PPM1L: variants seen among roughly 807,000 people sequenced by gnomAD.
PPM1L encodes protein phosphatase 1L.
Under a neutral mutation model 31.4 loss-of-function variants are expected in PPM1L, and 13 were observed. The ratio of observed to expected loss-of-function variants is 0.41; its 90% confidence interval spans 0.27 to 0.66. PPM1L has a LOEUF of 0.66. PPM1L is among the 30% of genes least tolerant of loss of function. The pLI, the probability that PPM1L is intolerant of heterozygous loss-of-function variation, is 0.29. For missense variants in PPM1L, 326 were observed against 453.7 expected (o/e 0.72, Z 2.56); for synonymous variants, 184 against 175.4 (o/e 1.05, Z -0.39).
chr3:160,810,806 T>C (rs1712781914), intron 1 of PPM1L, among the ~76,000 whole-genome samples: 1 of 152,254 alleles, frequency 6.6e-6, no homozygotes, highest in Non-Finnish European at 1.5e-5. Flanking sequence ...CTCCTCATTA[T>C]GCTCTCTCAT....
rs1720169160 is a variant in PPM1L, at chr3:161,078,184, A to C, written c.*9027A>C. 2 of 152,200 alleles carry C rather than the reference A, an allele frequency of 1.3e-5. No individual in the cohort carries two copies. The highest frequency in any genetic ancestry group is 4.1e-4 in the South Asian group (2 of 4,830). 9.4% of individuals were successfully genotyped at this position (152,200 alleles called of 1,614,324 possible). A position where few individuals can be genotyped will look rare whatever the true frequency, so the allele number is the denominator to read the frequency against. On this transcript the variant is annotated 3_prime_UTR_variant, in exon 4 of 4. Coordinates refer to ENST00000498165, the MANE Select transcript of PPM1L (RefSeq NM_139245.4). ...CATAGATGGAGCTCAGTTATTAAGG[A>C]TGGAAAGGAGGAAAGCACAGAGTGA...
At chr3:160,812,017 T>A (rs1218110901) in intron 1 of PPM1L, among the ~76,000 whole-genome samples, 1 of 152,198 alleles carries the variant, frequency 6.6e-6, no homozygotes. Flanking sequence ...TCCTCTGGAC[T>A]ATGGCATTGC....
chr3:160,883,458 G>A (rs570883620), intron 1 of PPM1L, among the ~76,000 whole-genome samples: 24 of 152,134 alleles, frequency 1.6e-4, no homozygotes, highest in African/African-American at 4.1e-4. Context: ...ACATTTTCCC[G>A]TAAAGTCTTT....
chr3:160,930,191 T>C (rs1714737889), intron 1 of PPM1L, among the ~76,000 whole-genome samples: 1 of 152,150 alleles, frequency 6.6e-6, no homozygotes, highest in South Asian at 2.1e-4. Flanking sequence ...CACGTGGGCC[T>C]GGAACTTCAG....
intron 1 of PPM1L, among the ~76,000 whole-genome samples, chr3:160,959,856 A>G (rs555410489): frequency 6.6e-6 from 1 of 152,024 alleles, no homozygotes; most frequent in Non-Finnish European, 1.5e-5. Context: ...ATAAAAAAAT[A>G]AAGTGTCTTC....
chr3:161,027,859 C>T (rs1718453099), intron 2 of PPM1L, among the ~76,000 whole-genome samples: 1 of 152,168 alleles, frequency 6.6e-6, no homozygotes, highest in African/African-American at 2.4e-5. Context: ...GCTGGTCAAG[C>T]TGAGAAGAAA....
intron 1 of PPM1L, among the ~76,000 whole-genome samples, chr3:160,922,567 A>C (rs1402588630): frequency 1.3e-5 from 2 of 152,190 alleles, no homozygotes; most frequent in African/African-American, 4.8e-5. Context: ...TCTAAGTCTA[A>C]GGTCTTTTGA....
At chr3:160,771,601 G>T (rs1465357070) in intron 1 of PPM1L, among the ~76,000 whole-genome samples, 1 of 132,508 alleles carries the variant, frequency 7.5e-6, no homozygotes, top group Non-Finnish European at 1.6e-5. Context: ...TTCTGTGTGT[G>T]ATCAGTTGGA....
intron 1 of PPM1L, among the ~76,000 whole-genome samples, chr3:160,917,513 T>G (rs1012272344): frequency 1.3e-5 from 2 of 152,170 alleles, no homozygotes; most frequent in African/African-American, 4.8e-5. Flanking sequence ...ATATCTCATA[T>G]GGTTCAGGCA....
At chr3:160,773,283 G>A (rs1432414160) in intron 1 of PPM1L, among the ~76,000 whole-genome samples, 1 of 152,124 alleles carries the variant, frequency 6.6e-6, no homozygotes, top group East Asian at 1.9e-4. Flanking sequence ...TATTTTAGAA[G>A]ATGTCCCTCT....
rs753862015 is a variant in PPM1L at position 160,939,658 on chromosome 3, T to C, written c.400-22078T>C. The C allele has an allele frequency of 2.4e-4, 38 of 159,136 alleles. 1 individual carries two copies. The highest frequency in any genetic ancestry group is 2.0e-4 in the Non-Finnish European group (15 of 73,390). The allele number at this position is 159,136 out of a possible 1,614,324, so 9.9% of individuals were successfully genotyped here. The stretch of plus-strand genomic sequence containing the variant: ...CCTCATTTTTCTCTTGCCACCAGCA[T>C]GTAAGAAGTGCCTTTCATCTCCTGC... On this transcript the variant is annotated intron_variant, in intron 1 of 3. Transcript: ENST00000498165.
chr3:160,961,948 C>CA lies in PPM1L; in HGVS notation c.574+46dup, dbSNP rs755238530. ...TTAAAACACACATTTTTTTTCCTTGCAAAAAAAATTCATTATAAACCTTGA... is the reference window on the plus strand; with the variant it reads ...TTAAAACACACATTTTTTTTCCTTGCAAAAAAAAATTCATTATAAACCTTGA... On this transcript the variant is annotated intron_variant, in intron 2 of 3. Transcript: ENST00000498165. The CA allele has an allele frequency of 6.1e-6, 9 of 1,485,706 alleles. No homozygotes were observed. In the Admixed American group the frequency reaches 1.2e-4, roughly 20 times the overall value. The allele number at this position is 1,485,706 out of a possible 1,614,324, so 92.0% of individuals were successfully genotyped here.
chr3:160,898,574 C>T (rs1164147278), intron 1 of PPM1L, among the ~76,000 whole-genome samples: 1 of 152,182 alleles, frequency 6.6e-6, no homozygotes, highest in Non-Finnish European at 1.5e-5. Flanking sequence ...CTGACCTCCC[C>T]AAACCACAGG....
chr3:160,853,954 A>G (rs902342327), intron 1 of PPM1L, among the ~76,000 whole-genome samples: 3 of 152,162 alleles, frequency 2.0e-5, no homozygotes, highest in Non-Finnish European at 4.4e-5. Flanking sequence ...GACTTTCCCT[A>G]CACAAGTAGG....
rs549595430 is a variant in PPM1L at position 161,071,083 on chromosome 3, A to G, written c.*1926A>G. Reference sequence around the variant, plus strand: ...AGACACTGAATATGTGGATGTGTGTATTAATATTTGGGGTGGGGACAGGGA... The same window carrying G: ...AGACACTGAATATGTGGATGTGTGTGTTAATATTTGGGGTGGGGACAGGGA... On this transcript the variant is annotated 3_prime_UTR_variant, in exon 4 of 4. Transcript: ENST00000498165. The G allele has an allele frequency of 6.6e-6, 1 of 152,338 alleles. No individual in the cohort carries two copies. Among genetic ancestry groups the G allele is most frequent in the Middle Eastern group, 3.4e-3 (1 of 294 alleles). 9.4% of individuals were successfully genotyped at this position (152,338 alleles called of 1,614,324 possible).
chr3:160,790,299 A>T (rs1712065500), intron 1 of PPM1L, among the ~76,000 whole-genome samples: 1 of 152,184 alleles, frequency 6.6e-6, no homozygotes, highest in Non-Finnish European at 1.5e-5. Flanking sequence ...CATTTTTAAC[A>T]CTTAAATGTT....
chr3:160,824,100 A>C (rs755342678), intron 1 of PPM1L, among the ~76,000 whole-genome samples: 1 of 152,180 alleles, frequency 6.6e-6, no homozygotes, highest in Non-Finnish European at 1.5e-5. Flanking sequence ...CCCCAAGGTC[A>C]CGGTATTTGG....
intron 1 of PPM1L, among the ~76,000 whole-genome samples, chr3:160,817,145 A>C (rs1245049199): frequency 6.6e-6 from 1 of 152,092 alleles, no homozygotes; most frequent in African/African-American, 2.4e-5. Context: ...TCTTGATCTC[A>C]TACTTGCACG....
chr3:160,981,272 A>T (rs192304663), intron 2 of PPM1L, among the ~76,000 whole-genome samples: 7 of 152,324 alleles, frequency 4.6e-5, no homozygotes, highest in Admixed American at 4.6e-4. Context: ...TGGTTCTCTC[A>T]TGTAGTTGCA....
Sources: gnomAD v4.1 joint callset for allele counts (sites outside exome capture counted in the v4.1 genomes callset) on GRCh38, gnomAD v4.1.1 for gene constraint, MANE v1.5 for transcripts, NCBI Gene and HGNC (gene_info 2026-07-23, HGNC 2026-07-21) for gene names.